SLC25A17: variants seen among roughly 807,000 people sequenced by gnomAD.
The protein encoded by SLC25A17 is peroxisomal membrane protein PMP34.
SLC25A17 carries 26 observed loss-of-function variants against 38.5 expected under a neutral mutation model. The observed-to-expected ratio is 0.68, with a 90% CI of 0.50 to 0.94. The LOEUF is 0.94. Among genes scored for constraint, SLC25A17 ranks in the 40% least tolerant of loss-of-function variants. The pLI is 0.00. For missense variants in SLC25A17, 333 were observed against 372.7 expected (o/e 0.89, Z 0.88); for synonymous variants, 139 against 136.2 (o/e 1.02, Z -0.14).
At chr22:40,810,345 TTC>T (rs1491247879) in intron 1 of SLC25A17, among the ~76,000 whole-genome samples, 1 of 147,776 alleles carries the variant, frequency 6.8e-6, no homozygotes, top group Non-Finnish European at 1.5e-5. Flanking sequence ...GCATTAAATA[TTC>T]TTTTTTTTTT....
intron 4 of SLC25A17, among the ~76,000 whole-genome samples, chr22:40,783,776 G>A (rs567451712): frequency 9.5e-4 from 143 of 150,826 alleles, no homozygotes; most frequent in African/African-American, 3.1e-3. Context: ...CTCGATCTCC[G>A]CTCACTGCAA....
chr22:40,774,336 G>A (rs573828176), intron 7 of SLC25A17, among the ~76,000 whole-genome samples: 273 of 151,054 alleles, frequency 1.8e-3, no homozygotes, highest in African/African-American at 6.5e-3. Context: ...TGATTCTCCT[G>A]CCTCAGCCTC....
chr22:40,777,193 A>G (rs776484415), intron 6 of SLC25A17, 35 bp downstream of exon 6: 1 of 1,613,558 alleles, frequency 6.2e-7, no homozygotes. Context: ...GGTGTCAGAC[A>G]GAATTATTTT....
intron 1 of SLC25A17, among the ~76,000 whole-genome samples, chr22:40,812,884 A>T (rs890678363): frequency 3.9e-5 from 6 of 152,076 alleles, no homozygotes; most frequent in East Asian, 3.9e-4. Context: ...ATAAAAATTT[A>T]AAAAAATTTT....
intron 2 of SLC25A17, among the ~76,000 whole-genome samples, chr22:40,795,675 A>G (rs1316793315): frequency 6.6e-6 from 1 of 152,260 alleles, no homozygotes; most frequent in Non-Finnish European, 1.5e-5. Context: ...TTAGCATCTT[A>G]TAAAGCAGAG....
At chr22:40,783,996 C>T (rs925374060) in intron 4 of SLC25A17, among the ~76,000 whole-genome samples, 5 of 152,130 alleles carry the variant, frequency 3.3e-5, no homozygotes, top group African/African-American at 9.7e-5. Context: ...TGAGCCACCG[C>T]GCCCGGCCAA....
chr22:40,771,351 C>T (rs1332362593), intron 8 of SLC25A17, among the ~76,000 whole-genome samples: 5 of 152,158 alleles, frequency 3.3e-5, no homozygotes, highest in Admixed American at 3.3e-4. Flanking sequence ...ACCTCGTGAT[C>T]TGCCCGCCTC....
At chr22:40,800,237 A>G (rs2057468994) in intron 1 of SLC25A17, among the ~76,000 whole-genome samples, 2 of 152,198 alleles carry the variant, frequency 1.3e-5, no homozygotes, top group Admixed American at 1.3e-4. Context: ...TCCTATATAA[A>G]AACCACAAAC....
intron 1 of SLC25A17, among the ~76,000 whole-genome samples, chr22:40,808,875 CATTCTT>C (rs2057552844): frequency 6.6e-6 from 1 of 152,152 alleles, no homozygotes; most frequent in South Asian, 2.1e-4. Context: ...TTGCCTTTCT[CATTCTT>C]ATTCTCTCAC....
chr22:40,801,289 A>G (rs1176489610), intron 1 of SLC25A17, among the ~76,000 whole-genome samples: 1 of 151,718 alleles, frequency 6.6e-6, no homozygotes, highest in Non-Finnish European at 1.5e-5. Context: ...TGTATTCTTC[A>G]AAACACATAT....
chr22:40,785,806 T>G (rs2057333142), intron 4 of SLC25A17, among the ~76,000 whole-genome samples: 2 of 151,566 alleles, frequency 1.3e-5, no homozygotes, highest in South Asian at 2.1e-4. Context: ...GCTAATTGGT[T>G]TTTTTTTTTG....
At position 40,777,128 on chromosome 22, in the gene SLC25A17, G is replaced by A. The variant is rs1172463102; in HGVS notation, c.605C>T (p.Ser202Phe). 6.2e-7 allele frequency: 1 copy of A among 1,614,108 alleles called. No individual in the cohort carries two copies. The highest frequency in any genetic ancestry group is 8.5e-7 in the Non-Finnish European group (1 of 1,180,026). Residue 202 changes from serine to phenylalanine, a missense_variant, in exon 7 of 9, where the codon TCC (serine) becomes TTC (phenylalanine). Ser to Phe is a radical substitution (Grantham distance 155). Coordinates refer to ENST00000435456, the MANE Select transcript of SLC25A17 (RefSeq NM_006358.4). ...QLLKKRMKLSSLDVFIIGAVA... is the reference protein window; with the variant it reads ...QLLKKRMKLSFLDVFIIGAVA... ...TGCACCAATGATGAACACATCCAAGGAAGAAAGCTGGAAAGCAAAGGAAGA... is the reference window on the plus strand; with the variant it reads ...TGCACCAATGATGAACACATCCAAGAAAGAAAGCTGGAAAGCAAAGGAAGA...
intron 1 of SLC25A17, among the ~76,000 whole-genome samples, chr22:40,800,554 A>G (rs2057471719): frequency 6.6e-6 from 1 of 152,076 alleles, no homozygotes; most frequent in Non-Finnish European, 1.5e-5. Context: ...GTGTGTCACC[A>G]CACCCAGATA....
Position 40,777,278 on chromosome 22 carries a change from A to C in SLC25A17, c.547T>G (p.Phe183Val). 1 of 1,614,226 alleles carries C rather than the reference A, an allele frequency of 6.2e-7. No homozygotes were observed. The highest frequency in any genetic ancestry group is 8.5e-7 in the Non-Finnish European group (1 of 1,180,032). Residue 183 changes from phenylalanine (F) to valine (V), a missense_variant, in exon 6 of 9, where the codon TTC becomes GTC. Phe to Val is a conservative substitution (Grantham distance 50). Coordinates refer to ENST00000435456, the MANE Select transcript of SLC25A17 (RefSeq NM_006358.4). ...LLLVFNPAIQFMFYEGLKRQL... is the reference protein window; with the variant it reads ...LLLVFNPAIQVMFYEGLKRQL... ...CGTTTTAAACCTTCATAAAACATGA[A>C]CTGGATGGCAGGATTGAAGACCAAC...
At position 40,789,777 on chromosome 22, in the gene SLC25A17, G is replaced by A. The variant is rs1161972385; in HGVS notation, c.334+2748C>T. On this transcript the variant is annotated intron_variant, in intron 4 of 8. Transcript: ENST00000435456. This position sits in a 1 kb window ranked among gnomAD's most constrained non-coding sequence, Gnocchi z 4.5. ...CCCGCCTCAGCCTCTCAAAGTGCTG[G>A]GATTACAGGCGTGAGCCACCGCGCC... 6.6e-6 allele frequency among the ~76,000 whole-genome samples: 1 copy of A among 151,500 alleles called. No homozygotes were observed. Among genetic ancestry groups the A allele is most frequent in the African/African-American group, 2.4e-5 (1 of 41,246 alleles).
intron 1 of SLC25A17, among the ~76,000 whole-genome samples, chr22:40,808,737 T>C (rs1218174738): frequency 1.3e-5 from 2 of 152,234 alleles, no homozygotes; most frequent in Admixed American, 6.5e-5. Context: ...GAACACAAGA[T>C]ATAATACAGT....
intron 1 of SLC25A17, among the ~76,000 whole-genome samples, chr22:40,811,946 G>C (rs181977200): frequency 2.0e-5 from 3 of 151,390 alleles, no homozygotes; most frequent in African/African-American, 7.3e-5. Flanking sequence ...ACGATTTTTA[G>C]CCTAAGTTCT....
intron 1 of SLC25A17, among the ~76,000 whole-genome samples, chr22:40,816,297 T>C (rs1369486814): frequency 1.3e-5 from 2 of 152,024 alleles, no homozygotes; most frequent in African/African-American, 4.8e-5. Context: ...TAGAAATATA[T>C]TACCACTATT....
intron 1 of SLC25A17, among the ~76,000 whole-genome samples, chr22:40,814,823 GTTTT>G (rs1186072048): frequency 2.8e-5 from 4 of 144,716 alleles, no homozygotes; most frequent in Non-Finnish European, 4.5e-5. Context: ...TTTTGTTTTG[GTTTT>G]TTTTGTTTTT....
Sources: allele counts gnomAD v4.1 joint callset (sites outside exome capture counted in the v4.1 genomes callset), GRCh38; gene constraint gnomAD v4.1.1; non-coding constraint Gnocchi (gnomAD v3.1); transcripts MANE v1.5; gene names NCBI Gene and HGNC (gene_info 2026-07-23, HGNC 2026-07-21).